The following PCDH9 variants were observed in gnomAD, a reference collection of about 807,000 sequenced individuals.
The protein encoded by PCDH9 is protocadherin-9.
A neutral mutation model predicts 70.6 loss-of-function variants in PCDH9; 24 were observed. That is an observed-to-expected ratio of 0.34 (90% CI 0.25 to 0.48). PCDH9 has a LOEUF of 0.48. Among genes scored for constraint, PCDH9 ranks in the 20% least tolerant of loss-of-function variants. The pLI, the probability that PCDH9 is intolerant of heterozygous loss-of-function variation, is 0.99. For missense variants in PCDH9, 1,281 were observed against 1,503.6 expected (o/e 0.85, Z 2.45); for synonymous variants, 562 against 558.5 (o/e 1.01, Z -0.09).
chr13:66,326,397 T>TAAA (rs372315902), intron 4 of PCDH9, among the ~76,000 whole-genome samples: 3 of 119,818 alleles, frequency 2.5e-5, no homozygotes, highest in Admixed American at 8.5e-5. Flanking sequence ...CTTCTTCTTC[T>TAAA]AAAAAAAAAA....
At chr13:66,937,449 C>A (rs2139676087) in intron 2 of PCDH9, among the ~76,000 whole-genome samples, 1 of 152,298 alleles carries the variant, frequency 6.6e-6, no homozygotes, top group South Asian at 2.1e-4. Flanking sequence ...TATATTTCTT[C>A]TTTATTCTTA....
intron 2 of PCDH9, among the ~76,000 whole-genome samples, chr13:66,997,759 C>T (rs1176694836): frequency 6.6e-6 from 1 of 151,956 alleles, no homozygotes; most frequent in Non-Finnish European, 1.5e-5. Flanking sequence ...GGTCTCGATC[C>T]CCTGACCTCG....
intron 3 of PCDH9, among the ~76,000 whole-genome samples, chr13:66,811,734 C>CTCCT (rs1315668998): frequency 3.8e-5 from 5 of 130,268 alleles, no homozygotes; most frequent in African/African-American, 1.2e-4. Flanking sequence ...TTCTCTTTCT[C>CTCCT]TCCTTCCTTC....
intron 3 of PCDH9, among the ~76,000 whole-genome samples, chr13:66,834,288 G>T (rs1453863177): frequency 6.6e-6 from 1 of 150,994 alleles, no homozygotes; most frequent in Non-Finnish European, 1.5e-5. Flanking sequence ...CTCCTGAGTA[G>T]CTGGGATTAC....
intron 4 of PCDH9, among the ~76,000 whole-genome samples, chr13:66,367,501 A>G (rs1002031795): frequency 5.9e-5 from 9 of 152,206 alleles, no homozygotes; most frequent in African/African-American, 2.2e-4. Context: ...GCTATGCTCC[A>G]GGGAAGCATT....
chr13:66,652,003 C>T (rs939624650), intron 3 of PCDH9, among the ~76,000 whole-genome samples: 12 of 152,026 alleles, frequency 7.9e-5, no homozygotes, highest in African/African-American at 2.4e-4. Flanking sequence ...AGAGAAATAA[C>T]GTACCGCAAT....
At chr13:66,552,509 T>G (rs1961530826) in intron 4 of PCDH9, among the ~76,000 whole-genome samples, 1 of 152,114 alleles carries the variant, frequency 6.6e-6, no homozygotes, top group Admixed American at 6.6e-5. Flanking sequence ...TGCTGAACTA[T>G]TCAGTGAATC....
rs778665733 is a variant in PCDH9, at chr13:67,226,261, C to T, written c.2180G>A (p.Arg727Gln). Residue 727 changes from arginine to glutamine, a missense_variant, in exon 2 of 5, where the codon CGG becomes CAG. Physicochemically the swap from Arg to Gln is conservative, Grantham distance 43. Coordinates refer to ENST00000377865, the MANE Select transcript of PCDH9 (RefSeq NM_203487.3). The surrounding 1 kb of genome is among the most constrained non-coding windows in gnomAD (Gnocchi z 5.0). ...IVSGNNKGLF[R>Q]IDPVTGNITL... ...AATGTTACCTGTTACTGGATCAATC[C>T]GGAATAAGCCTTTATTGTTTCCACT... The T allele has an allele frequency of 6.2e-7, 1 of 1,613,980 alleles. No individual in the cohort carries two copies. Among genetic ancestry groups the T allele is most frequent in the Non-Finnish European group, 8.5e-7 (1 of 1,180,038 alleles).
chr13:66,865,126 T>C lies in PCDH9; in HGVS notation c.3138+38378A>G, dbSNP rs57644191. ...CTTCATAAAATAAAGTTTTATTCTT[T>C]TCCAAAAGATACTGTCTAAATAGTT... On this transcript the variant is annotated intron_variant, in intron 3 of 4. Transcript: ENST00000377865. 7.9e-3 allele frequency among the ~76,000 whole-genome samples: 1,200 copies of C among 152,344 alleles called. 12 individuals carry two copies. The highest frequency in any genetic ancestry group is 0.027 in the African/African-American group (1,119 of 41,576).
chr13:66,894,622 C>T (rs1051150967), intron 3 of PCDH9, among the ~76,000 whole-genome samples: 2 of 152,064 alleles, frequency 1.3e-5, no homozygotes, highest in Non-Finnish European at 2.9e-5. Context: ...CAAACAATAT[C>T]TCACAGCCTC....
intron 3 of PCDH9, among the ~76,000 whole-genome samples, chr13:66,897,394 A>C (rs2082200966): frequency 6.6e-6 from 1 of 152,090 alleles, no homozygotes; most frequent in Non-Finnish European, 1.5e-5. Flanking sequence ...TTGTGAGCAA[A>C]AAACAGAGGA....
At chr13:66,797,840 G>A (rs1300092250) in intron 3 of PCDH9, among the ~76,000 whole-genome samples, 3 of 151,946 alleles carry the variant, frequency 2.0e-5, no homozygotes, top group Non-Finnish European at 4.4e-5. Flanking sequence ...CCTTTTCCTA[G>A]CTAAGCTGGA....
chr13:66,468,022 T>C (rs79092428), intron 4 of PCDH9, among the ~76,000 whole-genome samples: 3,191 of 152,108 alleles, frequency 0.021, 108 homozygotes, highest in African/African-American at 0.072. Context: ...TAAATTTGTA[T>C]TGCTGCCCTA....
rs569781933 is a variant in PCDH9 at position 67,196,943 on chromosome 13, T to C, written c.3036+28462A>G. ...CAAAAAAGAAATGTACTCTTTTTAC[T>C]AGTTTATTTGTAAGAAGAAAGAGAA... is the stretch of plus-strand genomic sequence containing the variant. On this transcript the variant is annotated intron_variant, in intron 2 of 4. Coordinates refer to ENST00000377865, the MANE Select transcript of PCDH9 (RefSeq NM_203487.3). Among the ~76,000 whole-genome samples, 6 of 152,200 alleles carry C rather than the reference T, an allele frequency of 3.9e-5. No individual in the cohort carries two copies. In the South Asian group the frequency reaches 1.0e-3, roughly 26 times the overall value.
intron 4 of PCDH9, among the ~76,000 whole-genome samples, chr13:66,471,416 A>G (rs1228496226): frequency 6.6e-6 from 1 of 152,216 alleles, no homozygotes; most frequent in Non-Finnish European, 1.5e-5. Context: ...AGATTTACTA[A>G]AGGAATCTGA....
At chr13:66,919,307 T>A (rs1226567865) in intron 2 of PCDH9, among the ~76,000 whole-genome samples, 1 of 151,156 alleles carries the variant, frequency 6.6e-6, no homozygotes, top group Non-Finnish European at 1.5e-5. Context: ...TCAGGCATCT[T>A]AAAACAAACT....
At chr13:67,112,259 G>C (rs1163906272) in intron 2 of PCDH9, among the ~76,000 whole-genome samples, 2 of 152,128 alleles carry the variant, frequency 1.3e-5, no homozygotes, top group Non-Finnish European at 2.9e-5. Flanking sequence ...CTCTCTGCTA[G>C]GCAGGGCATT....
chr13:66,679,763 C>A (rs906950809), intron 3 of PCDH9, among the ~76,000 whole-genome samples: 1 of 151,748 alleles, frequency 6.6e-6, no homozygotes, highest in South Asian at 2.1e-4. Flanking sequence ...GCCTTTCTTT[C>A]CAATGTTGAA....
chr13:66,756,862 T>A (rs2079545160), intron 3 of PCDH9, among the ~76,000 whole-genome samples: 1 of 151,946 alleles, frequency 6.6e-6, no homozygotes, highest in Admixed American at 6.6e-5. Flanking sequence ...TGAGACAGAG[T>A]CCTAGCTCCA....
Sources: gnomAD v4.1 joint callset for allele counts (sites outside exome capture counted in the v4.1 genomes callset) on GRCh38, gnomAD v4.1.1 for gene constraint, Gnocchi (gnomAD v3.1) non-coding constraint, MANE v1.5 for transcripts, NCBI Gene and HGNC (gene_info 2026-07-23, HGNC 2026-07-21) for gene names.